The following RARB variants were observed in gnomAD, a reference collection of about 807,000 sequenced individuals.
The protein encoded by RARB is HBV-activated protein.
In RARB, 17 loss-of-function variants were observed where a neutral mutation model predicts 51.9. That is an observed-to-expected ratio of 0.33 (90% CI 0.22 to 0.49). The LOEUF (loss-of-function observed/expected upper bound fraction) is 0.49, where lower values mean the gene tolerates loss of function less well. RARB is among the 20% of genes least tolerant of loss of function. The pLI is 0.99. For synonymous variants in RARB, 215 were observed against 195.4 expected, an observed-to-expected ratio of 1.10 and a Z score of -0.84; for missense variants, 369 against 550.8, an observed-to-expected ratio of 0.67 and a Z score of 3.30.
intron 5 of RARB, among the ~76,000 whole-genome samples, chr3:25,191,705 T>G (rs1701108751): frequency 6.6e-6 from 1 of 152,132 alleles, no homozygotes; most frequent in Non-Finnish European, 1.5e-5. Context: ...TGCAAGGATT[T>G]GAAATGGCAC....
intron 5 of RARB, among the ~76,000 whole-genome samples, chr3:25,406,077 T>C (rs192799262): frequency 2.0e-4 from 31 of 152,350 alleles, no homozygotes; most frequent in African/African-American, 6.7e-4. Context: ...TTCTTATTAC[T>C]TTCTTTTTCC....
At chr3:25,341,824 A>G (rs1216255861) in intron 5 of RARB, among the ~76,000 whole-genome samples, 1 of 152,192 alleles carries the variant, frequency 6.6e-6, no homozygotes, top group African/African-American at 2.4e-5. Context: ...GCTGAGGCAG[A>G]GAGGCCCTGG....
chr3:25,040,008 T>C (rs1216046609), intron 2 of RARB, among the ~76,000 whole-genome samples: 5 of 152,182 alleles, frequency 3.3e-5, no homozygotes, highest in African/African-American at 1.2e-4. Context: ...CTGGGGAAAG[T>C]CAACTTAATG....
chr3:25,236,733 A>G (rs556866241), intron 5 of RARB, among the ~76,000 whole-genome samples: 42 of 152,218 alleles, frequency 2.8e-4, no homozygotes, highest in Non-Finnish European at 4.0e-4. Flanking sequence ...AGCATTTCAT[A>G]TTGAATTTGG....
At chr3:25,173,057 T>G (rs1176193041) in intron 4 of RARB, among the ~76,000 whole-genome samples, 1 of 152,220 alleles carries the variant, frequency 6.6e-6, no homozygotes, top group African/African-American at 2.4e-5. Context: ...GCCACATGAA[T>G]ACATTCAGAG....
intron 5 of RARB, among the ~76,000 whole-genome samples, chr3:25,418,726 C>T (rs1707775936): frequency 6.6e-6 from 1 of 151,962 alleles, no homozygotes; most frequent in South Asian, 2.1e-4. Flanking sequence ...GGATTCATAA[C>T]CGAAGAGAAG....
intron 2 of RARB, among the ~76,000 whole-genome samples, chr3:24,872,469 T>G (rs1436658058): frequency 6.6e-6 from 1 of 152,202 alleles, no homozygotes. Flanking sequence ...TATTTTGGCT[T>G]ATAGTTCTTC....
At chr3:25,521,564 A>T (rs1698401114) in intron 3 of RARB, among the ~76,000 whole-genome samples, 1 of 152,132 alleles carries the variant, frequency 6.6e-6, no homozygotes, top group South Asian at 2.1e-4. Flanking sequence ...TAAATGTGGA[A>T]GAGAGCTGTG....
intron 5 of RARB, among the ~76,000 whole-genome samples, chr3:25,314,446 C>T (rs982179916): frequency 1.3e-5 from 2 of 152,070 alleles, no homozygotes; most frequent in African/African-American, 4.8e-5. Context: ...AAGCTATTTT[C>T]ACAGGAGAGC....
intron 1 of RARB, among the ~76,000 whole-genome samples, chr3:24,844,525 A>C (rs916901310): frequency 5.3e-5 from 8 of 152,208 alleles, no homozygotes; most frequent in Admixed American, 5.2e-4. Flanking sequence ...GTGGGAAAAA[A>C]CTGGGGAGCA....
intron 5 of RARB, among the ~76,000 whole-genome samples, chr3:25,267,684 G>A (rs1703158338): frequency 6.6e-6 from 1 of 152,054 alleles, no homozygotes; most frequent in African/African-American, 2.4e-5. Context: ...TTAGTGTTTG[G>A]ATATTATTCT....
intron 2 of RARB, among the ~76,000 whole-genome samples, chr3:25,012,254 C>G (rs1463216909): frequency 1.3e-5 from 2 of 152,024 alleles, no homozygotes; most frequent in Non-Finnish European, 2.9e-5. Flanking sequence ...TAAAATATTA[C>G]TAATACGTAG....
At chr3:25,104,824 AT>A (rs1699467403) in intron 3 of RARB, among the ~76,000 whole-genome samples, 1 of 152,224 alleles carries the variant, frequency 6.6e-6, no homozygotes, top group Admixed American at 6.5e-5. Context: ...TGAATCCCAC[AT>A]GTTTAATAGT....
chr3:24,962,774 G>T (rs568943748), intron 2 of RARB, among the ~76,000 whole-genome samples: 48 of 152,294 alleles, frequency 3.2e-4, no homozygotes, highest in African/African-American at 1.2e-3. Context: ...GTCCCAAAAA[G>T]GTTGGGGGTT....
chr3:25,322,132 T>C (rs1297998888), intron 5 of RARB, among the ~76,000 whole-genome samples: 1 of 147,038 alleles, frequency 6.8e-6, no homozygotes, highest in African/African-American at 2.5e-5. Context: ...TCTGGAGGTA[T>C]TCCCAAATAC....
intron 4 of RARB, among the ~76,000 whole-genome samples, chr3:25,580,247 G>A (rs887603508): frequency 6.6e-6 from 1 of 152,214 alleles, no homozygotes; most frequent in Non-Finnish European, 1.5e-5. Flanking sequence ...GGTGGCACAC[G>A]CCTGTAATCC....
intron 5 of RARB, among the ~76,000 whole-genome samples, chr3:25,385,696 T>G (rs1158138178): frequency 6.6e-6 from 1 of 152,174 alleles, no homozygotes; most frequent in Non-Finnish European, 1.5e-5. Flanking sequence ...ATTGTTAGTT[T>G]TGCAGCAATA....
Position 24,935,602 on chromosome 3 carries a change from T to G in RARB, c.-380+76850T>G, listed in dbSNP as rs78467027. On this transcript the variant is annotated intron_variant, in intron 2 of 11. Coordinates refer to the RARB transcript ENST00000383772. ...ATTCTATAGGCAAATATTGGAAGAC[T>G]AGTTTTATGCTGATTTTTCACAATC... Among the ~76,000 whole-genome samples, 1,018 of 152,266 alleles carry G rather than the reference T, an allele frequency of 6.7e-3. 15 individuals are homozygous for G. The highest frequency in any genetic ancestry group is 0.042 in the East Asian group (215 of 5,174).
At chr3:24,976,140 G>A (rs951796462) in intron 2 of RARB, among the ~76,000 whole-genome samples, 2 of 152,116 alleles carry the variant, frequency 1.3e-5, no homozygotes. Flanking sequence ...TGGTATATAT[G>A]TGCCACATTT....
Sources: allele counts gnomAD v4.1 joint callset (sites outside exome capture counted in the v4.1 genomes callset), GRCh38; gene constraint gnomAD v4.1.1; transcripts MANE v1.5; gene names NCBI Gene and HGNC (gene_info 2026-07-23, HGNC 2026-07-21).